Variants in TRIM9 observed in about 807,000 individuals in gnomAD.
TRIM9 encodes tripartite motif containing 9.
A neutral mutation model predicts 78.3 loss-of-function variants in TRIM9; 26 were observed. The observed-to-expected ratio is 0.33, with a 90% confidence interval of 0.24 to 0.46. TRIM9 has a LOEUF of 0.46. TRIM9 is among the 20% of genes least tolerant of loss of function. TRIM9 has a pLI of 1.00. For missense variants in TRIM9, 787 were observed against 1,036.4 expected (o/e 0.76, Z 3.30); for synonymous variants, 398 against 416.5 (o/e 0.96, Z 0.54).
intron 1 of TRIM9, among the ~76,000 whole-genome samples, chr14:51,061,257 A>T (rs1462405330): frequency 1.3e-5 from 2 of 151,902 alleles, no homozygotes; most frequent in African/African-American, 4.8e-5. Context: ...TACGAAAAAT[A>T]TAAAAGTTAG....
At chr14:51,050,417 C>T (rs1404303752) in intron 1 of TRIM9, among the ~76,000 whole-genome samples, 2 of 152,214 alleles carry the variant, frequency 1.3e-5, no homozygotes, top group African/African-American at 2.4e-5. Context: ...CCATGTAAGA[C>T]ATGCCTTTCG....
At chr14:50,996,899 G>C in intron 7 of TRIM9, 2 of 985,396 alleles carry the variant, frequency 2.0e-6, no homozygotes, top group Non-Finnish European at 1.2e-6. Context: ...TTCACGGCTA[G>C]GGGCCTTTCA....
chr14:50,994,313 G>A (rs1260677214), intron 7 of TRIM9, among the ~76,000 whole-genome samples: 1 of 152,220 alleles, frequency 6.6e-6, no homozygotes, highest in African/African-American at 2.4e-5. Context: ...AGGCTGAGGT[G>A]GGAGGATTCC....
At chr14:51,068,477 G>C (rs2061941632) in intron 1 of TRIM9, among the ~76,000 whole-genome samples, 1 of 152,188 alleles carries the variant, frequency 6.6e-6, no homozygotes, top group South Asian at 2.1e-4. Context: ...ATTAAGAGCT[G>C]CCTGTGTGCC....
At chr14:51,004,549 C>T (rs1447502669) in intron 5 of TRIM9, among the ~76,000 whole-genome samples, 2 of 152,142 alleles carry the variant, frequency 1.3e-5, no homozygotes, top group Non-Finnish European at 1.5e-5. Flanking sequence ...GCTGGGCTCC[C>T]AACCTCAACA....
chr14:51,085,524 A>G (rs1013003034), intron 1 of TRIM9, among the ~76,000 whole-genome samples: 2 of 152,244 alleles, frequency 1.3e-5, no homozygotes, highest in African/African-American at 4.8e-5. Flanking sequence ...TGAAAGGTGG[A>G]TCAGCTTTCT....
chr14:50,992,057 C>T (rs1053198399), intron 7 of TRIM9, among the ~76,000 whole-genome samples: 2 of 152,170 alleles, frequency 1.3e-5, no homozygotes, highest in African/African-American at 2.4e-5. Context: ...AAGGATACAT[C>T]TTTTCTTCTT....
rs548535228 is a variant in TRIM9 at position 51,055,219 on chromosome 14, T to G, written c.823-29859A>C. 2.0e-5 allele frequency among the ~76,000 whole-genome samples: 3 copies of G among 152,392 alleles called. No homozygotes were observed. In the South Asian group the frequency reaches 6.2e-4, roughly 32 times the overall value. On this transcript the variant is annotated intron_variant, in intron 1 of 12. Coordinates refer to ENST00000684578, the MANE Select transcript of TRIM9 (RefSeq NM_001387360.1). ...AGCCATCAACTGTAAGACACACCAT[T>G]ATTTTATATTCCAATAAGAAATAAA...
intron 7 of TRIM9, among the ~76,000 whole-genome samples, chr14:50,986,788 T>G (rs2052773529): frequency 6.6e-6 from 1 of 152,140 alleles, no homozygotes; most frequent in Admixed American, 6.5e-5. Flanking sequence ...ATGATCAGAC[T>G]CTAGGGATGT....
Position 51,030,201 on chromosome 14 carries a change from T to C in TRIM9, c.823-4841A>G, listed in dbSNP as rs541304439. 7.2e-5 allele frequency among the ~76,000 whole-genome samples: 11 copies of C among 152,268 alleles called. No individual in the cohort carries two copies. The East Asian group carries it at 2.1e-3, about 29-fold the overall frequency. On this transcript the variant is annotated intron_variant, in intron 1 of 12. Coordinates refer to ENST00000684578, the MANE Select transcript of TRIM9 (RefSeq NM_001387360.1). Reference sequence around the variant, plus strand: ...GATCTTGGGCAGAGATTGGGTGAAGTGGGAATTAAGTAAAGGAAGGAGACC... The same window carrying C: ...GATCTTGGGCAGAGATTGGGTGAAGCGGGAATTAAGTAAAGGAAGGAGACC...
At position 51,094,098 on chromosome 14, in the gene TRIM9, T is replaced by A; in HGVS notation, c.822+20A>T. 6.3e-7 allele frequency: 1 copy of A among 1,590,524 alleles called. No individual in the cohort carries two copies. The highest frequency in any genetic ancestry group is 8.6e-7 in the Non-Finnish European group (1 of 1,162,826). On this transcript the variant is annotated intron_variant, in intron 1 of 12. Coordinates refer to ENST00000684578, the MANE Select transcript of TRIM9 (RefSeq NM_001387360.1). ...GATCGGAGACGCAGGGAGTTAGGAGTGGGTTTTCTTAGGACTCACCTTATG... is the reference window on the plus strand; with the variant it reads ...GATCGGAGACGCAGGGAGTTAGGAGAGGGTTTTCTTAGGACTCACCTTATG...
rs749873556 is a variant in TRIM9 at position 51,094,121 on chromosome 14, A to G, written c.819T>C (p.His273=). 4.3e-6 allele frequency: 7 copies of G among 1,612,076 alleles called. No homozygotes were observed. The highest frequency in any genetic ancestry group is 5.9e-6 in the Non-Finnish European group (7 of 1,178,652). Residue 273 remains histidine, a synonymous_variant, in exon 1 of 13, where the codon CAT becomes CAC. Coordinates refer to ENST00000684578, the MANE Select transcript of TRIM9 (RefSeq NM_001387360.1). ...VKALGAMWKL[H]KSQLSQALNG... ...AGTGGGTTTTCTTAGGACTCACCTTATGTAGTTTCCACATGGCCCCCAGAG... is the reference window on the plus strand; with the variant it reads ...AGTGGGTTTTCTTAGGACTCACCTTGTGTAGTTTCCACATGGCCCCCAGAG...
intron 3 of TRIM9, among the ~76,000 whole-genome samples, chr14:51,018,040 A>T (rs1230196152): frequency 2.0e-5 from 3 of 152,206 alleles, no homozygotes; most frequent in Admixed American, 1.3e-4. Context: ...AATAATTAGA[A>T]TTGGCTTCTA....
rs144265847 is a variant in TRIM9, at chr14:50,998,182, A to G, written c.1471T>C (p.Tyr491His). 1.9e-6 allele frequency: 3 copies of G among 1,614,000 alleles called. No individual in the cohort carries two copies. The African/African-American group carries it at 4.0e-5, about 22-fold the overall frequency. The change falls in exon 7 of 13, where the codon TAT becomes CAT. Residue 491 changes from tyrosine (Y) to histidine (H), a missense_variant. Around this residue, in one of 3 missense-constraint regions of TRIM9, gnomAD observed 421 missense variants for 514.3 expected, o/e 0.82. Coordinates refer to ENST00000684578, the MANE Select transcript of TRIM9 (RefSeq NM_001387360.1). Reference protein sequence around the residue: ...DGNGGQFREVYVGKETMCTVD... With the variant: ...DGNGGQFREVHVGKETMCTVD... ...GTGCACATTGTCTCCTTCCCCACAT[A>G]CACCTCCTGAGAGTCAGCAAAGAAC...
At chr14:51,064,593 G>C (rs1233304986) in intron 1 of TRIM9, among the ~76,000 whole-genome samples, 3 of 151,542 alleles carry the variant, frequency 2.0e-5, no homozygotes, top group Non-Finnish European at 4.4e-5. Context: ...GTTGGTAGTT[G>C]GTTTTCTGAA....
intron 1 of TRIM9, among the ~76,000 whole-genome samples, chr14:51,087,533 T>C (rs1316200803): frequency 3.3e-5 from 5 of 152,316 alleles, no homozygotes; most frequent in African/African-American, 1.2e-4. Context: ...AGGGGAATGA[T>C]CTTGGCTTTG....
At chr14:51,092,780 A>G (rs2064492286) in intron 1 of TRIM9, among the ~76,000 whole-genome samples, 1 of 152,218 alleles carries the variant, frequency 6.6e-6, no homozygotes, top group South Asian at 2.1e-4. Context: ...GTGTGTGTAC[A>G]GGGAGCAATA....
Position 50,998,138 on chromosome 14 carries a change from G to C in TRIM9, c.1515C>G (p.Phe505Leu). The C allele has an allele frequency of 1.2e-6, 2 of 1,614,216 alleles. No homozygotes were observed. The highest frequency in any genetic ancestry group is 4.5e-5 in the East Asian group (2 of 44,888). Residue 505 changes from phenylalanine to leucine, a missense_variant, in exon 7 of 13, where the codon TTC becomes TTG. Phe to Leu is a conservative substitution (Grantham distance 22). Coordinates refer to ENST00000684578, the MANE Select transcript of TRIM9 (RefSeq NM_001387360.1). ...TGACCCGAGCGTTGTATGTGCTGTT[G>C]AAGTGAAGACCATCCACAGTGCACA... is the stretch of plus-strand genomic sequence containing the variant. ...ETMCTVDGLH[F>L]NSTYNARVKA...
At chr14:51,015,300 T>G (rs1471126206) in intron 3 of TRIM9, among the ~76,000 whole-genome samples, 1 of 151,974 alleles carries the variant, frequency 6.6e-6, no homozygotes, top group Non-Finnish European at 1.5e-5. Flanking sequence ...TTCCCATCAC[T>G]AACAGACCAA....
Sources: allele counts gnomAD v4.1 joint callset (sites outside exome capture counted in the v4.1 genomes callset), GRCh38; gene constraint gnomAD v4.1.1; regional missense constraint gnomAD v4.1.1; transcripts MANE v1.5; gene names NCBI Gene and HGNC (gene_info 2026-07-23, HGNC 2026-07-21).